Variants in DOCK1 observed in about 807,000 individuals in gnomAD.
The protein encoded by DOCK1 is dedicator of cytokinesis 1.
A neutral mutation model predicts 262.7 loss-of-function variants in DOCK1; 138 were observed. The observed-to-expected ratio is 0.53, with a 90% CI of 0.46 to 0.61. The LOEUF is 0.61. Among genes scored for constraint, DOCK1 ranks in the 20% least tolerant of loss-of-function variants. The pLI, the probability that DOCK1 is intolerant of heterozygous loss-of-function variation, is 0.00. For synonymous variants in DOCK1, 866 were observed against 867.4 expected, an observed-to-expected ratio of 1.00 and a Z score of 0.03; for missense variants, 1,908 against 2,370.7, an observed-to-expected ratio of 0.80 and a Z score of 4.05.
intron 29 of DOCK1, chr10:127,257,687 C>T (rs2059875883): frequency 8.9e-6 from 3 of 338,296 alleles, no homozygotes; most frequent in Non-Finnish European, 1.7e-5. Flanking sequence ...TGGATCTCCC[C>T]TAGCTGTCAT....
chr10:127,033,243 A>G (rs965859693), intron 18 of DOCK1, among the ~76,000 whole-genome samples: 3 of 146,296 alleles, frequency 2.1e-5, no homozygotes, highest in African/African-American at 7.4e-5. Context: ...GTGCTGTGGG[A>G]TAAGGCACCC....
chr10:127,250,573 C>T (rs1225237268), intron 28 of DOCK1, among the ~76,000 whole-genome samples: 1 of 151,934 alleles, frequency 6.6e-6, no homozygotes, highest in Non-Finnish European at 1.5e-5. Context: ...GGTGGGTCAC[C>T]TGAGGTCAGG....
intron 16 of DOCK1, among the ~76,000 whole-genome samples, chr10:127,029,996 A>G (rs574797026): frequency 6.6e-6 from 1 of 152,240 alleles, no homozygotes; most frequent in South Asian, 2.1e-4. Flanking sequence ...CCTAGGGTAC[A>G]TATATTTTAC....
In DOCK1 at chr10:127,312,960, T is replaced by G. The variant is rs183681837; in HGVS notation, c.3045-26046T>G. ...CAAGGATTGCCATTTAGGAGAGATG[T>G]TAAGTCCACTCCCCTAGCCTGGCCA... On this transcript the variant is annotated intron_variant, in intron 29 of 51. Coordinates refer to ENST00000623213, the MANE Select transcript of DOCK1 (RefSeq NM_001290223.2). 3.7e-3 allele frequency among the ~76,000 whole-genome samples: 557 copies of G among 152,244 alleles called. 1 individual carries two copies. The highest frequency in any genetic ancestry group is 6.0e-3 in the Non-Finnish European group (407 of 68,022).
intron 28 of DOCK1, among the ~76,000 whole-genome samples, chr10:127,254,895 G>C (rs565343221): frequency 6.6e-6 from 1 of 152,336 alleles, no homozygotes; most frequent in African/African-American, 2.4e-5. Context: ...GAAGCATGGG[G>C]ACAAGAAAGG....
At chr10:126,929,830 A>G (rs909178601) in intron 1 of DOCK1, among the ~76,000 whole-genome samples, 62 of 152,330 alleles carry the variant, frequency 4.1e-4, no homozygotes, top group Admixed American at 6.5e-4. Context: ...GTCACATAAC[A>G]TGTAGCTAAC....
chr10:127,389,821 C>A (rs947959222), intron 38 of DOCK1, among the ~76,000 whole-genome samples: 1 of 152,040 alleles, frequency 6.6e-6, no homozygotes, highest in Non-Finnish European at 1.5e-5. Context: ...TGAGACCAGC[C>A]TGGCCAATAT....
At chr10:127,031,588 T>C in intron 16 of DOCK1, 62 bp from the exon 17 acceptor site, 1 of 1,315,880 alleles carries the variant, frequency 7.6e-7, no homozygotes, top group Non-Finnish European at 1.1e-6. Context: ...TAGCTTCTTA[T>C]AATGTTATTT....
At chr10:127,383,432 A>G (rs769186891) in intron 37 of DOCK1, among the ~76,000 whole-genome samples, 2 of 152,216 alleles carry the variant, frequency 1.3e-5, no homozygotes, top group Non-Finnish European at 2.9e-5. Context: ...AAGTAGACCA[A>G]TTATGTTGTA....
intron 31 of DOCK1, among the ~76,000 whole-genome samples, chr10:127,353,646 T>C (rs1434995135): frequency 6.6e-6 from 1 of 152,218 alleles, no homozygotes; most frequent in Non-Finnish European, 1.5e-5. Context: ...CTCCAGTTCC[T>C]TTTCTTCACC....
intron 38 of DOCK1, among the ~76,000 whole-genome samples, chr10:127,399,951 A>T (rs2067126027): frequency 6.6e-6 from 1 of 152,138 alleles, no homozygotes. Flanking sequence ...TATTCCAGGA[A>T]TGGGAGGCAA....
chr10:127,220,377 G>C (rs2058381168), intron 27 of DOCK1, among the ~76,000 whole-genome samples: 1 of 152,044 alleles, frequency 6.6e-6, no homozygotes, highest in South Asian at 2.1e-4. Flanking sequence ...CAGCAGCTTT[G>C]AGTGTGAATG....
At chr10:127,361,393 C>T (rs988867206) in intron 32 of DOCK1, among the ~76,000 whole-genome samples, 7 of 152,092 alleles carry the variant, frequency 4.6e-5, no homozygotes, top group Non-Finnish European at 7.4e-5. Flanking sequence ...GGATTACAGG[C>T]GTGAGCCACC....
At chr10:127,242,947 C>T (rs1452823388) in intron 27 of DOCK1, among the ~76,000 whole-genome samples, 2 of 152,180 alleles carry the variant, frequency 1.3e-5, no homozygotes, top group African/African-American at 4.8e-5. Flanking sequence ...ACAGCTCCAA[C>T]AGCTTCTGAG....
At chr10:127,342,257 G>A (rs2063466947) in intron 30 of DOCK1, among the ~76,000 whole-genome samples, 1 of 152,136 alleles carries the variant, frequency 6.6e-6, no homozygotes, top group Non-Finnish European at 1.5e-5. Flanking sequence ...CTGTGGCAAG[G>A]CTGAAATCGG....
chr10:127,126,930 G>C (rs2049999536), intron 26 of DOCK1, among the ~76,000 whole-genome samples: 2 of 152,194 alleles, frequency 1.3e-5, no homozygotes, highest in Non-Finnish European at 2.9e-5. Context: ...TCTGTTCTTG[G>C]TGATGCTGGA....
At chr10:127,300,422 A>G (rs1022744942) in intron 29 of DOCK1, among the ~76,000 whole-genome samples, 7 of 152,134 alleles carry the variant, frequency 4.6e-5, no homozygotes, top group Non-Finnish European at 1.0e-4. Context: ...AAAAGATTCT[A>G]TGTTCTAGCA....
At chr10:127,447,346 G>C in intron 50 of DOCK1, 48 bp from the exon 51 acceptor site, 1 of 1,582,336 alleles carries the variant, frequency 6.3e-7, no homozygotes. Flanking sequence ...GAGCATTCAG[G>C]CTCCGTGGGG....
At chr10:127,049,629 A>G (rs1362850268) in intron 21 of DOCK1, among the ~76,000 whole-genome samples, 1 of 152,168 alleles carries the variant, frequency 6.6e-6, no homozygotes, top group African/African-American at 2.4e-5. Context: ...AATATATACC[A>G]TGTTCATGTA....
Sources: gnomAD v4.1 joint callset for allele counts (sites outside exome capture counted in the v4.1 genomes callset) on GRCh38, gnomAD v4.1.1 for gene constraint, MANE v1.5 for transcripts, NCBI Gene and HGNC (gene_info 2026-07-23, HGNC 2026-07-21) for gene names.